The following NUP160 variants were observed in gnomAD, a reference collection of about 807,000 sequenced individuals.
The protein encoded by NUP160 is nuclear pore complex protein Nup160.
A neutral mutation model predicts 196.9 loss-of-function variants in NUP160; 94 were observed. The ratio of observed to expected loss-of-function variants is 0.48; its 90% confidence interval spans 0.40 to 0.57. NUP160 has a LOEUF of 0.57. NUP160 is among the 20% of genes least tolerant of loss of function. NUP160 has a pLI of 0.00. For missense variants in NUP160, 1,638 were observed against 1,748.3 expected, an observed-to-expected ratio of 0.94 and a Z score of 1.13; for synonymous variants, 605 against 619.7, an observed-to-expected ratio of 0.98 and a Z score of 0.35.
intron 17 of NUP160, 130 bp downstream of exon 17, chr11:47,811,934 G>GC (rs1267162261): frequency 1.4e-6 from 1 of 721,776 alleles, no homozygotes; most frequent in Non-Finnish European, 2.3e-6. Flanking sequence ...ATAAGGCCAA[G>GC]CTTGGGAGAA....
At chr11:47,823,028 A>ATATG (rs1474402076) in intron 7 of NUP160, among the ~76,000 whole-genome samples, 1 of 152,194 alleles carries the variant, frequency 6.6e-6, no homozygotes, top group Non-Finnish European at 1.5e-5. Flanking sequence ...CACAATAAAT[A>ATATG]TATGTGTGCA....
At chr11:47,804,420 A>G (rs7124949) in intron 21 of NUP160, 129 bp downstream of exon 21, 116,383 of 640,116 alleles carry the variant, frequency 0.18, 12,642 homozygotes, top group East Asian at 0.4. Flanking sequence ...TCTTTGGGGT[A>G]TGTCTTCACA....
intron 31 of NUP160, among the ~76,000 whole-genome samples, chr11:47,787,647 C>T (rs1005213084): frequency 3.0e-4 from 46 of 151,886 alleles, no homozygotes; most frequent in African/African-American, 9.9e-4. Context: ...TGGTCCCAAG[C>T]GATCCACCCG....
At chr11:47,824,027 A>ATATATATATATATG (rs1851916876) in intron 7 of NUP160, among the ~76,000 whole-genome samples, 1 of 117,668 alleles carries the variant, frequency 8.5e-6, no homozygotes, top group African/African-American at 3.1e-5. Context: ...ATATATATAT[A>ATATATATATATATG]TATATATATA....
chr11:47,837,395 C>G, intron 5 of NUP160, 150 bp downstream of exon 5: 1 of 644,854 alleles, frequency 1.6e-6, no homozygotes, highest in Non-Finnish European at 2.7e-6. Context: ...GGGAGTGTGG[C>G]TTTCCTCAGA....
chr11:47,792,020 T>C, intron 28 of NUP160, 30 bp from the exon 29 acceptor site: 1 of 1,472,896 alleles, frequency 6.8e-7, no homozygotes, highest in Non-Finnish European at 9.4e-7. Flanking sequence ...AATTTAACTG[T>C]GAAAATCAGT....
chr11:47,813,798 G>A (rs567508441), intron 13 of NUP160, among the ~76,000 whole-genome samples: 8 of 151,510 alleles, frequency 5.3e-5, no homozygotes, highest in Non-Finnish European at 1.0e-4. Flanking sequence ...TGGGCCGGGC[G>A]CAGTGGCTCA....
chr11:47,783,287 AT>A, intron 33 of NUP160, 89 bp from the exon 34 acceptor site: 2 of 1,465,222 alleles, frequency 1.4e-6, no homozygotes, highest in East Asian at 4.8e-5. Context: ...ATTCCCTAAC[AT>A]TTGTATTTCT....
chr11:47,827,256 T>C lies in NUP160; in HGVS notation c.1102-5092A>G, dbSNP rs182084829. On this transcript the variant is annotated intron_variant, in intron 7 of 35. Transcript: ENST00000378460. ...GCACACACCTGTGGTCCCAGCTACC[T>C]GGGAGGCTGAGGTGGGAGGATCGCT... The C allele has an allele frequency of 3.0e-3, 1,228 of 409,972 alleles. 19 individuals are homozygous for C. The highest frequency in any genetic ancestry group is 0.023 in the African/African-American group (1,095 of 48,528). The allele number at this position is 409,972 out of a possible 1,614,324, so 25.4% of individuals were successfully genotyped here.
intron 11 of NUP160, among the ~76,000 whole-genome samples, chr11:47,817,341 AC>A (rs1043720367): frequency 8.2e-5 from 12 of 146,272 alleles, no homozygotes; most frequent in Non-Finnish European, 1.4e-4. Context: ...GAAGCCAAAA[AC>A]TTTTTTTTTT....
chr11:47,838,635 G>A (rs373348012), intron 4 of NUP160, among the ~76,000 whole-genome samples: 1 of 151,920 alleles, frequency 6.6e-6, no homozygotes, highest in Admixed American at 6.6e-5. Context: ...TTGAACCTGG[G>A]GGGGGCGGAG....
chr11:47,819,346 C>A, intron 10 of NUP160, 28 bp downstream of exon 10: 1 of 1,444,822 alleles, frequency 6.9e-7, no homozygotes, highest in Non-Finnish European at 9.7e-7. Context: ...AAATCATTCC[C>A]TTATATAACA....
intron 7 of NUP160, among the ~76,000 whole-genome samples, chr11:47,833,632 T>C (rs1210217214): frequency 6.6e-6 from 1 of 152,148 alleles, no homozygotes; most frequent in Non-Finnish European, 1.5e-5. Context: ...TGATCACCAA[T>C]GATAATATCA....
intron 7 of NUP160, among the ~76,000 whole-genome samples, chr11:47,832,435 C>T (rs1187457110): frequency 1.3e-5 from 2 of 152,202 alleles, no homozygotes; most frequent in African/African-American, 4.8e-5. Context: ...TTTGCAACTT[C>T]CCCAATTACT....
intron 23 of NUP160, among the ~76,000 whole-genome samples, chr11:47,801,508 C>T (rs1018443383): frequency 6.6e-6 from 1 of 152,088 alleles, no homozygotes; most frequent in African/African-American, 2.4e-5. Flanking sequence ...CGCCACCACG[C>T]CAGGCTAATT....
At chr11:47,826,916 A>G (rs1216519112) in intron 7 of NUP160, among the ~76,000 whole-genome samples, 1 of 152,064 alleles carries the variant, frequency 6.6e-6, no homozygotes, top group Non-Finnish European at 1.5e-5. Flanking sequence ...CTTTGTTGAT[A>G]TTTGCATCAA....
At chr11:47,807,220 A>G in intron 18 of NUP160, 80 bp from the exon 19 acceptor site, 2 of 844,562 alleles carry the variant, frequency 2.4e-6, no homozygotes, top group Non-Finnish European at 3.8e-6. Flanking sequence ...TACGAAGAAC[A>G]CTGTCAATTT....
chr11:47,814,070 C>CAAAAAAAAAAA (rs5791787), intron 13 of NUP160, among the ~76,000 whole-genome samples: 1 of 39,834 alleles, frequency 2.5e-5, no homozygotes. Context: ...GACTCTGTCT[C>CAAAAAAAAAAA]AAAAAAAAAA....
chr11:47,813,268 G>A (rs914579594), intron 14 of NUP160, 48 bp downstream of exon 14: 8 of 1,340,252 alleles, frequency 6.0e-6, no homozygotes, highest in African/African-American at 1.4e-5. Flanking sequence ...CGAAGCATAG[G>A]GTTTATATAG....
Sources: allele counts gnomAD v4.1 joint callset (sites outside exome capture counted in the v4.1 genomes callset), GRCh38; gene constraint gnomAD v4.1.1; transcripts MANE v1.5; gene names NCBI Gene and HGNC (gene_info 2026-07-23, HGNC 2026-07-21).